TENM3: variants seen among roughly 807,000 people sequenced by gnomAD.
The protein encoded by TENM3 is teneurin transmembrane protein 3, also known as teneurin-3.
Under a neutral mutation model 255.1 loss-of-function variants are expected in TENM3, and 63 were observed. The observed-to-expected ratio is 0.25, with a 90% CI of 0.20 to 0.30. TENM3 has a LOEUF of 0.30. Among genes scored for constraint, TENM3 ranks in the 10% least tolerant of loss-of-function variants. The pLI is 1.00. For missense variants in TENM3, 2,929 were observed against 3,461.1 expected (o/e 0.85, Z 3.86); for synonymous variants, 1,306 against 1,322.3 (o/e 0.99, Z 0.27).
intron 3 of TENM3, among the ~76,000 whole-genome samples, chr4:182,499,516 G>A (rs1421762375): frequency 2.0e-5 from 3 of 152,056 alleles, no homozygotes; most frequent in Non-Finnish European, 4.4e-5. Context: ...GGTTTGGCTG[G>A]CAGTATAAAG....
intron 1 of TENM3, among the ~76,000 whole-genome samples, chr4:182,249,247 G>A (rs748663900): frequency 2.6e-5 from 4 of 152,162 alleles, no homozygotes; most frequent in Non-Finnish European, 4.4e-5. Flanking sequence ...TAGGTTTTCC[G>A]ATTTCAGGGC....
At chr4:181,923,416 G>A in the TENM3 span, among the ~76,000 whole-genome samples, 2 of 152,164 alleles carry the variant, frequency 1.3e-5, no homozygotes, top group African/African-American at 4.8e-5. Flanking sequence ...ACATTAAACT[G>A]TGGCCCTGTT....
intron 3 of TENM3, among the ~76,000 whole-genome samples, chr4:182,558,163 G>A (rs1742764010): frequency 6.6e-6 from 1 of 152,148 alleles, no homozygotes; most frequent in Non-Finnish European, 1.5e-5. Flanking sequence ...GGAAAGAATG[G>A]GAATAGCCCT....
At chr4:181,958,366 A>G in the TENM3 span, among the ~76,000 whole-genome samples, 1 of 152,294 alleles carries the variant, frequency 6.6e-6, no homozygotes, top group African/African-American at 2.4e-5. Context: ...CTATTATCAA[A>G]CAATAAGAAT....
At chr4:182,114,056 T>G in the TENM3 span, among the ~76,000 whole-genome samples, 2 of 152,222 alleles carry the variant, frequency 1.3e-5, no homozygotes, top group Non-Finnish European at 2.9e-5. Context: ...TGAGTAATTC[T>G]ATCTGGTTTT....
chr4:182,097,418 C>G, the TENM3 span, among the ~76,000 whole-genome samples: 2 of 152,088 alleles, frequency 1.3e-5, no homozygotes, highest in African/African-American at 4.8e-5. Context: ...ACAATTATAG[C>G]CCAGGACATG....
In TENM3 at chr4:182,601,082, G is replaced by C; in HGVS notation, c.670G>C (p.Ala224Pro). Residue 224 changes from alanine (A) to proline (P), a missense_variant, in exon 4 of 28, where the codon GCC becomes CCC. Physicochemically the swap from Ala to Pro is conservative, Grantham distance 27. This residue lies in a region of TENM3 where 1,608 missense variants were observed against 1,884.4 expected (regional missense o/e 0.85). Coordinates refer to ENST00000511685, the MANE Select transcript of TENM3 (RefSeq NM_001080477.4). ...TCCGGCCCCGCCGGCTGCTTTGCCC[G>C]CCGAGCTGCAAACCACACCCGAGTC... The part of the protein sequence containing the change: ...QSPAPPAALP[A>P]ELQTTPESVQ... The C allele has an allele frequency of 6.2e-7, 1 of 1,613,650 alleles. No homozygotes were observed. Among genetic ancestry groups the C allele is most frequent in the Non-Finnish European group, 8.5e-7 (1 of 1,179,814 alleles).
At chr4:182,642,532 C>G (rs555242141) in intron 5 of TENM3, among the ~76,000 whole-genome samples, 14 of 152,144 alleles carry the variant, frequency 9.2e-5, no homozygotes, top group South Asian at 2.1e-4. Flanking sequence ...ACCTTCAAAG[C>G]TAAATCACTG....
chr4:182,675,408 G>A (rs936866053), intron 7 of TENM3, among the ~76,000 whole-genome samples: 4 of 152,000 alleles, frequency 2.6e-5, no homozygotes, highest in African/African-American at 7.2e-5. Flanking sequence ...GAACGTGGTA[G>A]CGCACACCTG....
At chr4:182,310,342 C>G (rs531039082) in intron 1 of TENM3, among the ~76,000 whole-genome samples, 2 of 151,720 alleles carry the variant, frequency 1.3e-5, no homozygotes, top group Non-Finnish European at 2.9e-5. Context: ...ATTACAGGTG[C>G]GTGCCACCAT....
the TENM3 span, among the ~76,000 whole-genome samples, chr4:181,818,532 A>G: frequency 6.6e-6 from 1 of 151,868 alleles, no homozygotes; most frequent in Non-Finnish European, 1.5e-5. Context: ...ATTTATTTTA[A>G]GTTCTGCGGT....
At chr4:182,120,445 A>G in the TENM3 span, among the ~76,000 whole-genome samples, 1 of 151,998 alleles carries the variant, frequency 6.6e-6, no homozygotes, top group Non-Finnish European at 1.5e-5. Flanking sequence ...ATGTACCTAC[A>G]TATATATGTG....
At chr4:181,827,385 T>A in the TENM3 span, among the ~76,000 whole-genome samples, 1 of 152,222 alleles carries the variant, frequency 6.6e-6, no homozygotes, top group Non-Finnish European at 1.5e-5. Context: ...TGTTCTTATC[T>A]GCAAACAGTC....
chr4:182,754,328 G>A lies in TENM3; in HGVS notation c.4018-57G>A. On this transcript the variant is annotated intron_variant, in intron 21 of 27. Coordinates refer to ENST00000511685, the MANE Select transcript of TENM3 (RefSeq NM_001080477.4). The surrounding 1 kb of genome is among the most constrained non-coding windows in gnomAD (Gnocchi z 5.1). ...CCTGAATGGTCTAATTTACTCTTCT[G>A]GCGAATTAACTGTAGTGCAGTAACT... 6.8e-7 allele frequency: 1 copy of A among 1,468,906 alleles called. No homozygotes were observed. The highest frequency in any genetic ancestry group is 9.1e-7 in the Non-Finnish European group (1 of 1,100,434). 91.0% of individuals were successfully genotyped at this position (1,468,906 alleles called of 1,614,324 possible).
intron 3 of TENM3, among the ~76,000 whole-genome samples, chr4:182,356,301 G>T (rs986256530): frequency 6.6e-6 from 1 of 152,164 alleles, no homozygotes; most frequent in Non-Finnish European, 1.5e-5. Context: ...CCAGAAGTTA[G>T]AGACCAGCCT....
intron 3 of TENM3, among the ~76,000 whole-genome samples, chr4:182,496,869 T>G (rs1377208852): frequency 6.6e-6 from 1 of 152,186 alleles, no homozygotes; most frequent in Non-Finnish European, 1.5e-5. Context: ...ATGATTGATT[T>G]TGAGACTTCA....
Position 182,265,812 on chromosome 4 carries a change from C to T in TENM3, c.-76+22336C>T, listed in dbSNP as rs1561261377. ...CTTAAATCAGATATTTTAAAAGCAA[C>T]ATAAAAACTGTAATGCCTTTTGGTT... On this transcript the variant is annotated intron_variant, in intron 1 of 27. Coordinates refer to ENST00000511685, the MANE Select transcript of TENM3 (RefSeq NM_001080477.4). Among the ~76,000 whole-genome samples, 4 of 152,182 alleles carry T rather than the reference C, an allele frequency of 2.6e-5. No homozygotes were observed. In the South Asian group the frequency reaches 8.3e-4, roughly 32 times the overall value.
rs75259399 is a variant in TENM3 at position 182,558,741 on chromosome 4, C to T, written c.512-42183C>T. Among the ~76,000 whole-genome samples the T allele has an allele frequency of 7.2e-5, 11 of 152,262 alleles. No homozygotes were observed. In the East Asian group the frequency reaches 1.9e-3, roughly 27 times the overall value. ...AAACAATAATTCTATATTTCTGTAG[C>T]ATCAGCTCTCAGATCCCTTGTCCTG... On this transcript the variant is annotated intron_variant, in intron 3 of 27. Coordinates refer to ENST00000511685, the MANE Select transcript of TENM3 (RefSeq NM_001080477.4).
chr4:181,700,111 G>A, the TENM3 span, among the ~76,000 whole-genome samples: 114,914 of 152,036 alleles, frequency 0.76, 43,650 homozygotes, highest in Admixed American at 0.85. Context: ...CACTGACCGC[G>A]TGAAACAGTG....
Sources: gnomAD v4.1 joint callset for allele counts (sites outside exome capture counted in the v4.1 genomes callset) on GRCh38, gnomAD v4.1.1 for gene constraint, gnomAD v4.1.1 regional missense constraint, Gnocchi (gnomAD v3.1) non-coding constraint, MANE v1.5 for transcripts, NCBI Gene and HGNC (gene_info 2026-07-23, HGNC 2026-07-21) for gene names.